Variants in RRAS2 observed in about 807,000 individuals in gnomAD.
The protein encoded by RRAS2 is ras-related protein R-Ras2.
A neutral mutation model predicts 27.6 loss-of-function variants in RRAS2; 7 were observed. That is an observed-to-expected ratio of 0.25 (90% CI 0.14 to 0.48). The LOEUF is 0.48. Ranked by LOEUF, RRAS2 falls within the 20% of genes least tolerant of loss-of-function variation. RRAS2 has a pLI of 0.99. For synonymous variants in RRAS2, 86 were observed against 90.9 expected, an observed-to-expected ratio of 0.95 and a Z score of 0.31; for missense variants, 178 against 256.2, an observed-to-expected ratio of 0.69 and a Z score of 2.08.
intron 4 of RRAS2, among the ~76,000 whole-genome samples, chr11:14,283,782 CTCTTTTT>C (rs1849600613): frequency 6.6e-6 from 1 of 152,152 alleles, no homozygotes; most frequent in Admixed American, 6.6e-5. Context: ...TGTGTCTTTT[CTCTTTTT>C]TATCTGATCA....
chr11:14,308,378 A>C, intron 1 of RRAS2: 1 of 391,012 alleles, frequency 2.6e-6, no homozygotes, highest in Non-Finnish European at 5.0e-6. Flanking sequence ...CCAGCTATAC[A>C]AACAACTAGC....
intron 1 of RRAS2, among the ~76,000 whole-genome samples, chr11:14,305,769 G>A (rs1035333652): frequency 6.6e-6 from 1 of 152,108 alleles, no homozygotes; most frequent in Admixed American, 6.6e-5. Context: ...TCTTGGCCGT[G>A]CGCGATGGCT....
At chr11:14,327,813 A>AG (rs1326588347) in intron 1 of RRAS2, among the ~76,000 whole-genome samples, 3 of 23,518 alleles carry the variant, frequency 1.3e-4, no homozygotes, top group Non-Finnish European at 2.1e-4. Flanking sequence ...AACTCAATAG[A>AG]GAAAAAAAAT....
upstream of RRAS2, among the ~76,000 whole-genome samples, chr11:14,361,876 T>G (rs1210490129): frequency 1.3e-5 from 2 of 152,176 alleles, no homozygotes; most frequent in Non-Finnish European, 2.9e-5. Context: ...AAAAATGTCG[T>G]ATAGCCACGC....
intron 1 of RRAS2, among the ~76,000 whole-genome samples, chr11:14,304,576 C>T (rs1470500905): frequency 1.3e-5 from 2 of 152,168 alleles, no homozygotes. Context: ...ATATAAAACT[C>T]GATTTACATG....
chr11:14,355,673 T>C (rs1202962066), intron 1 of RRAS2, among the ~76,000 whole-genome samples: 2 of 152,210 alleles, frequency 1.3e-5, no homozygotes, highest in Non-Finnish European at 2.9e-5. Context: ...CCGTTCCCAA[T>C]TTTATATTTT....
intron 1 of RRAS2, among the ~76,000 whole-genome samples, chr11:14,346,681 T>C (rs1272204305): frequency 6.6e-6 from 1 of 152,204 alleles, no homozygotes; most frequent in Non-Finnish European, 1.5e-5. Context: ...GTAACTATAG[T>C]TAATAACAAT....
intron 4 of RRAS2, among the ~76,000 whole-genome samples, chr11:14,290,520 G>T (rs1849783096): frequency 6.6e-6 from 1 of 152,132 alleles, no homozygotes; most frequent in Non-Finnish European, 1.5e-5. Context: ...AATTTCAATA[G>T]CATGCCCCCT....
At chr11:14,303,653 T>C (rs1188835469) in intron 1 of RRAS2, among the ~76,000 whole-genome samples, 6 of 152,142 alleles carry the variant, frequency 3.9e-5, no homozygotes. Context: ...ACTGCAGTAA[T>C]CAATACTCAT....
At chr11:14,305,746 T>C (rs1401269103) in intron 1 of RRAS2, among the ~76,000 whole-genome samples, 1 of 152,162 alleles carries the variant, frequency 6.6e-6, no homozygotes, top group Non-Finnish European at 1.5e-5. Flanking sequence ...CCTAGACCTG[T>C]TATTAAACTC....
chr11:14,340,253 T>C (rs958197281), intron 1 of RRAS2, among the ~76,000 whole-genome samples: 1 of 151,770 alleles, frequency 6.6e-6, no homozygotes, highest in Non-Finnish European at 1.5e-5. Context: ...CACCCCACCA[T>C]GCCCAGCTAA....
At chr11:14,346,222 C>T (rs567484560) in intron 1 of RRAS2, among the ~76,000 whole-genome samples, 1 of 152,188 alleles carries the variant, frequency 6.6e-6, no homozygotes, top group South Asian at 2.1e-4. Flanking sequence ...TTTTCATTAG[C>T]TAACTTAAAA....
At chr11:14,330,640 A>G (rs1451069008) in intron 1 of RRAS2, among the ~76,000 whole-genome samples, 2 of 148,900 alleles carry the variant, frequency 1.3e-5, no homozygotes, top group Non-Finnish European at 3.0e-5. Flanking sequence ...TTATGATGAC[A>G]TGTAGTTAAC....
At chr11:14,314,447 A>C (rs557299758) in intron 1 of RRAS2, among the ~76,000 whole-genome samples, 1 of 152,338 alleles carries the variant, frequency 6.6e-6, no homozygotes, top group South Asian at 2.1e-4. Context: ...AGAAATAAGA[A>C]GTGCAGAAAA....
chr11:14,357,622 T>C (rs1849110366), intron 1 of RRAS2, among the ~76,000 whole-genome samples: 1 of 152,218 alleles, frequency 6.6e-6, no homozygotes, highest in Non-Finnish European at 1.5e-5. Flanking sequence ...GACAATCACA[T>C]TTGTTACAGT....
At chr11:14,318,474 G>A (rs1338992562) in intron 1 of RRAS2, among the ~76,000 whole-genome samples, 1 of 151,998 alleles carries the variant, frequency 6.6e-6, no homozygotes, top group African/African-American at 2.4e-5. Flanking sequence ...CTGCACTCCA[G>A]CCTGGGTGAC....
chr11:14,358,492 G>A lies in RRAS2; in HGVS notation c.108+271C>T. 1 of 985,710 alleles carries A rather than the reference G, an allele frequency of 1.0e-6. No homozygotes were observed. Among genetic ancestry groups the A allele is most frequent in the Non-Finnish European group, 1.2e-6 (1 of 830,204 alleles). 61.1% of individuals were successfully genotyped at this position (985,710 alleles called of 1,614,324 possible). On this transcript the variant is annotated intron_variant, in intron 1 of 5. Coordinates refer to ENST00000256196, the MANE Select transcript of RRAS2 (RefSeq NM_012250.6). The surrounding 1 kb of genome is among the most constrained non-coding windows in gnomAD (Gnocchi z 5.1). ...TGGCCTCGGCCAGAGCAATAAGGTG[G>A]ATCGGTGCTTCCCACCCTTCCAGCT...
At position 14,291,233 on chromosome 11, in the gene RRAS2, A is replaced by G. The variant is rs1849807389; in HGVS notation, c.408+3238T>C. Among the ~76,000 whole-genome samples the G allele has an allele frequency of 2.6e-5, 4 of 152,228 alleles. No homozygotes were observed. In the South Asian group the frequency reaches 8.3e-4, roughly 32 times the overall value. On this transcript the variant is annotated intron_variant, in intron 4 of 5. Transcript: ENST00000256196. Reference sequence around the variant, plus strand: ...TACAGGTTGAAGAAAATGAGAAAGTATGTAAAAATTATCCAAACAAATGGG... The same window carrying G: ...TACAGGTTGAAGAAAATGAGAAAGTGTGTAAAAATTATCCAAACAAATGGG...
At chr11:14,341,897 C>T in intron 1 of RRAS2, 1 of 448,558 alleles carries the variant, frequency 2.2e-6, no homozygotes, top group South Asian at 1.6e-5. Flanking sequence ...CCTCCCCCAA[C>T]ACCAAGAGGT....
Sources: gnomAD v4.1 joint callset for allele counts (sites outside exome capture counted in the v4.1 genomes callset) on GRCh38, gnomAD v4.1.1 for gene constraint, Gnocchi (gnomAD v3.1) non-coding constraint, MANE v1.5 for transcripts, NCBI Gene and HGNC (gene_info 2026-07-23, HGNC 2026-07-21) for gene names.